The following SMC1B variants were observed in gnomAD, a reference collection of about 807,000 sequenced individuals.
SMC1B encodes structural maintenance of chromosomes protein 1B.
Under a neutral mutation model 157.9 loss-of-function variants are expected in SMC1B, and 60 were observed. That is an observed-to-expected ratio of 0.38 (90% CI 0.31 to 0.47). The LOEUF is 0.47. SMC1B is among the 20% of genes least tolerant of loss of function. The probability of loss-of-function intolerance (pLI) is 0.99; values close to 1 mark genes in which losing one functional copy is unlikely to be tolerated. For missense variants in SMC1B, 1,165 were observed against 1,426.2 expected, an observed-to-expected ratio of 0.82 and a Z score of 2.95; for synonymous variants, 445 against 483.0, an observed-to-expected ratio of 0.92 and a Z score of 1.03.
At position 45,400,345 on chromosome 22, in the gene SMC1B, C is replaced by CA. The variant is rs542381027; in HGVS notation, c.855-993dup. ...TCTTCTAGAAAGTAAGGAAGAGCTC[C>CA]AAAAAAAAATCACAGTAATGAGAAT... On this transcript the variant is annotated intron_variant, in intron 5 of 24. Coordinates refer to ENST00000357450, the MANE Select transcript of SMC1B (RefSeq NM_148674.5). Among the ~76,000 whole-genome samples the CA allele has an allele frequency of 2.1e-3, 313 of 149,298 alleles. 2 individuals are homozygous for CA. Among genetic ancestry groups the CA allele is most frequent in the African/African-American group, 7.1e-3 (287 of 40,704 alleles).
chr22:45,362,362 T>C (rs1227117916), intron 16 of SMC1B, among the ~76,000 whole-genome samples: 1 of 152,224 alleles, frequency 6.6e-6, no homozygotes, highest in African/African-American at 2.4e-5. Flanking sequence ...CTGGGGCTTC[T>C]GTGATACCAC....
intron 20 of SMC1B, 143 bp from the exon 21 acceptor site, chr22:45,354,275 TTAA>T (rs1350726948): frequency 1.7e-5 from 10 of 577,962 alleles, no homozygotes; most frequent in Non-Finnish European, 2.8e-5. Flanking sequence ...TAAACTATTA[TTAA>T]TTCCAAGAAA....
At chr22:45,401,979 G>A (rs974798348) in intron 5 of SMC1B, among the ~76,000 whole-genome samples, 1 of 152,054 alleles carries the variant, frequency 6.6e-6, no homozygotes, top group Non-Finnish European at 1.5e-5. Context: ...CACCTCCCAG[G>A]TTCATGCCAT....
chr22:45,352,706 T>G (rs2086626972), intron 21 of SMC1B, 104 bp from the exon 22 acceptor site: 1 of 1,167,004 alleles, frequency 8.6e-7, no homozygotes, highest in African/African-American at 1.5e-5. Context: ...TTCTTCAATT[T>G]TGATGGAAAA....
At chr22:45,395,789 G>A (rs537763013) in intron 7 of SMC1B, among the ~76,000 whole-genome samples, 3 of 152,276 alleles carry the variant, frequency 2.0e-5, no homozygotes, top group African/African-American at 4.8e-5. Flanking sequence ...CCTGGGAGGC[G>A]GAGGTTGTAG....
chr22:45,359,840 A>G lies in SMC1B; in HGVS notation c.2827T>C (p.Leu943=). Residue 943 remains leucine, a synonymous_variant, in exon 18 of 25, where the codon TTG becomes CTG. Coordinates refer to ENST00000357450, the MANE Select transcript of SMC1B (RefSeq NM_148674.5). ...ATGATGTCATCCAGTGACCCCGACAAAAGGATTATCTCAATGTCTTGCACT... is the reference window on the plus strand; with the variant it reads ...ATGATGTCATCCAGTGACCCCGACAGAAGGATTATCTCAATGTCTTGCACT... ...CKVQDIEIIL[L]SGSLDDIIEV... 6.2e-7 allele frequency: 1 copy of G among 1,613,886 alleles called. No individual in the cohort carries two copies. Among genetic ancestry groups the G allele is most frequent in the Non-Finnish European group, 8.5e-7 (1 of 1,179,862 alleles).
chr22:45,403,806 AAG>A (rs1204573017), intron 4 of SMC1B, among the ~76,000 whole-genome samples: 2 of 152,126 alleles, frequency 1.3e-5, no homozygotes, highest in African/African-American at 4.8e-5. Context: ...TAATGGGGAG[AAG>A]AGAGGAAGAA....
At chr22:45,363,154 A>C in intron 15 of SMC1B, 128 bp from the exon 16 acceptor site, 1 of 614,432 alleles carries the variant, frequency 1.6e-6, no homozygotes, top group South Asian at 2.5e-5. Context: ...AGTAGCTGTC[A>C]CCCAACTTAA....
At chr22:45,388,041 A>AC (rs397775887) in intron 10 of SMC1B, among the ~76,000 whole-genome samples, 1 of 149,434 alleles carries the variant, frequency 6.7e-6, no homozygotes, top group Admixed American at 6.7e-5. Context: ...AAAAAAAAAA[A>AC]CAGCAAAAAA....
At chr22:45,389,967 A>C (rs5764719) in intron 9 of SMC1B, 70 bp from the exon 10 acceptor site, 173,563 of 1,310,904 alleles carry the variant, frequency 0.13, 12,618 homozygotes, top group South Asian at 0.22. Context: ...ATTATTTTCT[A>C]ATGTAACAAA....
chr22:45,383,618 A>G lies in SMC1B; in HGVS notation c.1912-5T>C. 1 of 1,578,864 alleles carries G rather than the reference A, an allele frequency of 6.3e-7. No homozygotes were observed. Among genetic ancestry groups the G allele is most frequent in the Non-Finnish European group, 8.5e-7 (1 of 1,170,588 alleles). ...TGTTCCATCAAGAGCTACTGTCTGT[A>G]AAAGTAAAAATATTTTGCCCTGGAG... On this transcript the variant is annotated splice_region_variant and splice_polypyrimidine_tract_variant and intron_variant, in intron 11 of 24. Transcript: ENST00000357450.
intron 1 of SMC1B, 110 bp from the exon 2 acceptor site, chr22:45,409,008 TC>T (rs2087297440): frequency 1.6e-6 from 1 of 608,258 alleles, no homozygotes; most frequent in Non-Finnish European, 2.8e-6. Context: ...AAAAGACATG[TC>T]CTTTTTAATC....
chr22:45,359,756 A>C (rs759167793), intron 18 of SMC1B, 49 bp downstream of exon 18: 1 of 1,579,268 alleles, frequency 6.3e-7, no homozygotes, highest in South Asian at 1.1e-5. Flanking sequence ...AGGGCAATGC[A>C]TTAAGTTCCA....
chr22:45,382,362 C>A (rs1264008522), intron 12 of SMC1B, among the ~76,000 whole-genome samples: 3 of 152,092 alleles, frequency 2.0e-5, no homozygotes, highest in African/African-American at 7.2e-5. Flanking sequence ...GAAAACATAA[C>A]ACAAAAGACT....
chr22:45,375,249 G>T (rs577691625), intron 12 of SMC1B, among the ~76,000 whole-genome samples: 1 of 152,088 alleles, frequency 6.6e-6, no homozygotes. Context: ...TCTCTGTTTC[G>T]AGTTATCCTG....
intron 10 of SMC1B, among the ~76,000 whole-genome samples, chr22:45,388,446 T>C (rs891875531): frequency 3.3e-5 from 5 of 151,992 alleles, no homozygotes; most frequent in Non-Finnish European, 7.4e-5. Flanking sequence ...AGAAATAAAA[T>C]AGGATTCTAA....
At chr22:45,375,226 C>T (rs2086873135) in intron 12 of SMC1B, among the ~76,000 whole-genome samples, 1 of 152,172 alleles carries the variant, frequency 6.6e-6, no homozygotes, top group Non-Finnish European at 1.5e-5. Flanking sequence ...CTACCTATGA[C>T]CTGGAAGCCC....
intron 12 of SMC1B, among the ~76,000 whole-genome samples, chr22:45,382,231 G>A (rs1276703364): frequency 6.6e-6 from 1 of 152,090 alleles, no homozygotes; most frequent in Non-Finnish European, 1.5e-5. Context: ...GCTACATAAA[G>A]ATTAAAAATG....
chr22:45,379,794 G>A (rs139434135), intron 12 of SMC1B, among the ~76,000 whole-genome samples: 4 of 145,974 alleles, frequency 2.7e-5, no homozygotes, highest in East Asian at 4.0e-4. Flanking sequence ...GTGCAGTGGC[G>A]CAATCTGGGC....
Sources: allele counts gnomAD v4.1 joint callset (sites outside exome capture counted in the v4.1 genomes callset), GRCh38; gene constraint gnomAD v4.1.1; transcripts MANE v1.5; gene names NCBI Gene and HGNC (gene_info 2026-07-23, HGNC 2026-07-21).